Variants in SPATA6 observed in about 807,000 individuals in gnomAD.
SPATA6 encodes the protein spermatogenesis associated 6.
SPATA6 carries 56 observed loss-of-function variants against 65.3 expected under a neutral mutation model. That is an observed-to-expected ratio of 0.86 (90% CI 0.69 to 1.07). The LOEUF is 1.07. Ranked by LOEUF, SPATA6 falls within the 50% of genes least tolerant of loss-of-function variation. SPATA6 has a pLI of 0.00. For synonymous variants in SPATA6, 199 were observed against 213.2 expected (o/e 0.93, Z 0.58); for missense variants, 590 against 594.8 (o/e 0.99, Z 0.08).
intron 11 of SPATA6, among the ~76,000 whole-genome samples, chr1:48,354,524 TACAATAAAATG>T (rs1312286835): frequency 1.3e-5 from 2 of 152,118 alleles, no homozygotes; most frequent in Non-Finnish European, 2.9e-5. Context: ...AGCATTTTCA[TACAATAAAATG>T]TATTGTATGA....
intron 12 of SPATA6, 82 bp from the exon 13 acceptor site, chr1:48,298,975 G>C: frequency 7.4e-7 from 1 of 1,358,020 alleles, no homozygotes; most frequent in Non-Finnish European, 1.0e-6. Flanking sequence ...TATTTATTGA[G>C]TACTCTATGG....
chr1:48,361,678 G>A (rs1384170307), intron 9 of SPATA6, among the ~76,000 whole-genome samples: 1 of 152,042 alleles, frequency 6.6e-6, no homozygotes, highest in East Asian at 1.9e-4. Flanking sequence ...TCCCTCACAT[G>A]AAAAATAAAG....
At position 48,399,483 on chromosome 1, in the gene SPATA6, G is replaced by C. The variant is rs1265482860; in HGVS notation, c.648C>G (p.His216Gln). ...YEQPTISSKS[H>Q]SPSPYTKRRM... The stretch of plus-strand genomic sequence containing the variant: ...GTCTTTTTGTGTAGGGAGATGGAGA[G>C]TGTGATTTTGAAGAAATTGTAGGCT... The change falls in exon 7 of 13, where the codon CAC becomes CAG. Residue 216 changes from histidine (H) to glutamine (Q), a missense_variant. Transcript: ENST00000371847. 14 of 1,613,232 alleles carry C rather than the reference G, an allele frequency of 8.7e-6. No individual in the cohort carries two copies. The highest frequency in any genetic ancestry group is 1.2e-5 in the Non-Finnish European group (14 of 1,179,530).
intron 11 of SPATA6, 108 bp downstream of exon 11, chr1:48,355,562 G>C: frequency 1.4e-6 from 1 of 725,226 alleles, no homozygotes; most frequent in Non-Finnish European, 2.2e-6. Flanking sequence ...GAGCTTGCTT[G>C]CTTTCTTTTT....
intron 11 of SPATA6, among the ~76,000 whole-genome samples, chr1:48,308,324 C>T (rs540579087): frequency 2.0e-5 from 3 of 152,058 alleles, no homozygotes; most frequent in East Asian, 1.9e-4. Context: ...TTAATTTCAA[C>T]GGGATATGGA....
At chr1:48,292,218 GA>G (rs1644772666), downstream of SPATA6, among the ~76,000 whole-genome samples, 1 of 152,224 alleles carries the variant, frequency 6.6e-6, no homozygotes. Flanking sequence ...TCTTCACTGA[GA>G]GGGGGAGCAG....
intron 3 of SPATA6, among the ~76,000 whole-genome samples, chr1:48,429,606 C>T (rs1283352480): frequency 2.0e-5 from 3 of 151,956 alleles, no homozygotes; most frequent in Non-Finnish European, 4.4e-5. Flanking sequence ...ATAAAAGAAA[C>T]AAGAAATATG....
chr1:48,300,169 A>G (rs557950898), intron 12 of SPATA6, among the ~76,000 whole-genome samples: 3 of 152,314 alleles, frequency 2.0e-5, no homozygotes, highest in African/African-American at 7.2e-5. Flanking sequence ...AGCACTTTTT[A>G]TGTTATCAGT....
chr1:48,289,097 T>A, the SPATA6 span, among the ~76,000 whole-genome samples: 1 of 152,184 alleles, frequency 6.6e-6, no homozygotes, highest in Non-Finnish European at 1.5e-5. Context: ...CACCTCCCAG[T>A]AGGGGCTGAC....
chr1:48,316,257 G>T (rs934723624), intron 11 of SPATA6, among the ~76,000 whole-genome samples: 2 of 152,150 alleles, frequency 1.3e-5, no homozygotes, highest in Non-Finnish European at 2.9e-5. Context: ...AAAGCTGGAG[G>T]CATCACGCTA....
intron 11 of SPATA6, among the ~76,000 whole-genome samples, chr1:48,315,366 G>T (rs909350559): frequency 1.3e-5 from 2 of 152,066 alleles, no homozygotes; most frequent in African/African-American, 4.8e-5. Flanking sequence ...TTCATCCCTG[G>T]GATGCAAGCC....
chr1:48,391,165 G>A (rs1650020962), intron 8 of SPATA6, among the ~76,000 whole-genome samples: 1 of 134,170 alleles, frequency 7.5e-6, no homozygotes, highest in Non-Finnish European at 1.5e-5. Context: ...AGGAGTTCAA[G>A]ACCAGCCTAG....
chr1:48,405,845 G>A (rs1178982329), intron 5 of SPATA6, among the ~76,000 whole-genome samples: 3 of 152,128 alleles, frequency 2.0e-5, no homozygotes, highest in South Asian at 4.1e-4. Flanking sequence ...TCTGCTCTCT[G>A]ACCACAAATT....
intron 6 of SPATA6, among the ~76,000 whole-genome samples, chr1:48,400,411 A>G (rs777178793): frequency 2.0e-5 from 3 of 152,012 alleles, no homozygotes; most frequent in Admixed American, 1.3e-4. Context: ...ATAACATCTT[A>G]TTCAAATAAT....
At chr1:48,379,304 T>C (rs1332276770) in intron 9 of SPATA6, among the ~76,000 whole-genome samples, 3 of 152,060 alleles carry the variant, frequency 2.0e-5, no homozygotes, top group Non-Finnish European at 4.4e-5. Flanking sequence ...TCCAGTCACC[T>C]CTCTCTCTCG....
At chr1:48,309,611 GT>G (rs1645149425) in intron 11 of SPATA6, among the ~76,000 whole-genome samples, 1 of 151,872 alleles carries the variant, frequency 6.6e-6, no homozygotes, top group African/African-American at 2.4e-5. Flanking sequence ...CTGATTTATG[GT>G]CTTTGTTTAG....
intron 9 of SPATA6, among the ~76,000 whole-genome samples, chr1:48,362,212 C>A (rs1464674587): frequency 6.6e-6 from 1 of 151,950 alleles, no homozygotes; most frequent in African/African-American, 2.4e-5. Context: ...TATGACTGCA[C>A]CACTGCACTC....
chr1:48,342,131 A>G (rs12085824), intron 11 of SPATA6, among the ~76,000 whole-genome samples: 60,898 of 152,092 alleles, frequency 0.4, 12,883 homozygotes, highest in African/African-American at 0.55. Context: ...TCAGATTTGT[A>G]TACTATGGGA....
chr1:48,383,131 G>T (rs1648950461), intron 9 of SPATA6, among the ~76,000 whole-genome samples: 3 of 60,380 alleles, frequency 5.0e-5, no homozygotes, highest in African/African-American at 1.8e-4. Context: ...CGGGCGGGGG[G>T]CTGACCCCCC....
Sources: allele counts gnomAD v4.1 joint callset (sites outside exome capture counted in the v4.1 genomes callset), GRCh38; gene constraint gnomAD v4.1.1; transcripts MANE v1.5; gene names NCBI Gene and HGNC (gene_info 2026-07-23, HGNC 2026-07-21).